The following CDIN1 variants were observed in gnomAD, a reference collection of about 807,000 sequenced individuals.
The protein encoded by CDIN1 is CDAN1-interacting nuclease 1.
CDIN1 carries 33 observed loss-of-function variants against 45.3 expected under a neutral mutation model. The observed-to-expected ratio is 0.73, with a 90% confidence interval of 0.55 to 0.97. The LOEUF (loss-of-function observed/expected upper bound fraction) is 0.97. CDIN1 is among the 50% of genes least tolerant of loss of function. The pLI is 0.00. For missense variants in CDIN1, 303 were observed against 339.4 expected, an observed-to-expected ratio of 0.89 and a Z score of 0.84; for synonymous variants, 118 against 124.4, an observed-to-expected ratio of 0.95 and a Z score of 0.34.
intron 10 of CDIN1, among the ~76,000 whole-genome samples, chr15:36,768,294 C>T (rs2053978200): frequency 1.3e-5 from 2 of 152,204 alleles, no homozygotes; most frequent in African/African-American, 2.4e-5. Flanking sequence ...TCCTAGGATC[C>T]GTTTAGCTAC....
At chr15:36,584,549 T>C (rs892688004) in intron 1 of CDIN1, among the ~76,000 whole-genome samples, 6 of 152,236 alleles carry the variant, frequency 3.9e-5, no homozygotes, top group African/African-American at 1.4e-4. Context: ...TTATGAATTT[T>C]TATTTTACAG....
chr15:36,678,819 G>A lies in CDIN1; in HGVS notation c.347-12866G>A, dbSNP rs147836970. Among the ~76,000 whole-genome samples the A allele has an allele frequency of 4.2e-4, 64 of 152,276 alleles. 1 individual carries two copies. Among genetic ancestry groups the A allele is most frequent in the Middle Eastern group, 6.8e-3 (2 of 292 alleles). ...ATTCTTTGCAGTAGGCAGGACTTTC[G>A]GGATCTTGAGAGCGCAGATGTTTCA... On this transcript the variant is annotated intron_variant, in intron 5 of 10. Transcript: ENST00000566621.
chr15:36,788,205 C>T (rs2054556470), intron 10 of CDIN1, among the ~76,000 whole-genome samples: 1 of 147,202 alleles, frequency 6.8e-6, no homozygotes, highest in Non-Finnish European at 1.5e-5. Flanking sequence ...CAACCTCTGC[C>T]TCCTGGGTTC....
At chr15:36,692,078 GT>G in intron 6 of CDIN1, 47 bp from the exon 7 acceptor site, 2 of 1,579,552 alleles carry the variant, frequency 1.3e-6, no homozygotes. Flanking sequence ...TACTGTAATA[GT>G]TTTTGTAGCC....
chr15:36,751,179 C>G (rs1198764490), intron 10 of CDIN1, among the ~76,000 whole-genome samples: 4 of 136,924 alleles, frequency 2.9e-5, no homozygotes, highest in Non-Finnish European at 4.6e-5. Flanking sequence ...TTGCTTTTAC[C>G]AAGAACTTCA....
At chr15:36,770,107 CCTTT>C (rs1365595690) in intron 10 of CDIN1, among the ~76,000 whole-genome samples, 1 of 145,786 alleles carries the variant, frequency 6.9e-6, no homozygotes, top group Non-Finnish European at 1.5e-5. Flanking sequence ...CTCCTTTCTC[CCTTT>C]CTCTCTCTCT....
At chr15:36,690,467 A>AG (rs2042207246) in intron 5 of CDIN1, among the ~76,000 whole-genome samples, 1 of 151,618 alleles carries the variant, frequency 6.6e-6, no homozygotes, top group Non-Finnish European at 1.5e-5. Context: ...ACGGGGTTTC[A>AG]CCTTGTTAGC....
At chr15:36,691,512 G>C (rs2042249919) in intron 5 of CDIN1, among the ~76,000 whole-genome samples, 173 bp from the exon 6 acceptor site, 1 of 151,676 alleles carries the variant, frequency 6.6e-6, no homozygotes, top group African/African-American at 2.4e-5. Flanking sequence ...TATAAACTTG[G>C]CAAAATGGTC....
chr15:36,737,347 G>T (rs946067106), intron 10 of CDIN1, among the ~76,000 whole-genome samples: 1 of 152,070 alleles, frequency 6.6e-6, no homozygotes, highest in African/African-American at 2.4e-5. Flanking sequence ...TATTGCATTT[G>T]AGGCTAAAGT....
chr15:36,609,837 A>T (rs1489575556), intron 1 of CDIN1, among the ~76,000 whole-genome samples: 1 of 152,130 alleles, frequency 6.6e-6, no homozygotes, highest in Non-Finnish European at 1.5e-5. Flanking sequence ...TTCACACAGG[A>T]TGTGTTAAGC....
intron 10 of CDIN1, among the ~76,000 whole-genome samples, chr15:36,716,948 A>G (rs1242249287): frequency 1.3e-5 from 2 of 151,958 alleles, no homozygotes; most frequent in Admixed American, 1.3e-4. Flanking sequence ...CTCTTTGTGA[A>G]CTCCACACCT....
Position 36,801,665 on chromosome 15 carries a change from GC to G in CDIN1, c.717-6655del, listed in dbSNP as rs531355324. 1.9e-3 allele frequency among the ~76,000 whole-genome samples: 290 copies of G among 152,216 alleles called. 1 individual carries two copies. The highest frequency in any genetic ancestry group is 6.4e-3 in the African/African-American group (267 of 41,546). On this transcript the variant is annotated intron_variant, in intron 10 of 10. Coordinates refer to ENST00000566621, the MANE Select transcript of CDIN1 (RefSeq NM_001321759.2). ...TCCTCTTCCCTCATGTTTAGATTCT[GC>G]CCCATAACTTCTGAACCCCTTCACA...
chr15:36,770,725 A>C (rs1484335324), intron 10 of CDIN1, among the ~76,000 whole-genome samples: 1 of 152,200 alleles, frequency 6.6e-6, no homozygotes, highest in Non-Finnish European at 1.5e-5. Context: ...CTGGGATTAC[A>C]GGCGTGAGCC....
intron 8 of CDIN1, chr15:36,704,206 G>A (rs1365276701): frequency 6.6e-6 from 1 of 151,790 alleles, no homozygotes; most frequent in African/African-American, 2.4e-5. Flanking sequence ...TTTCTATAAG[G>A]CACTTCAATT....
At chr15:36,618,610 G>C (rs1047235711) in intron 1 of CDIN1, 5 of 823,292 alleles carry the variant, frequency 6.1e-6, no homozygotes, top group South Asian at 1.3e-5. Flanking sequence ...TGTTGTTAAA[G>C]GTGTCTACAA....
intron 8 of CDIN1, among the ~76,000 whole-genome samples, chr15:36,703,219 A>AATATATATATATATCAGATATATATATAT (rs2042709762): frequency 1.7e-5 from 1 of 57,364 alleles, no homozygotes; most frequent in African/African-American, 8.0e-5. Flanking sequence ...CCCTGTCTCA[A>AATATATATATATATCAGATATATATATAT]ATATATATAT....
intron 5 of CDIN1, among the ~76,000 whole-genome samples, chr15:36,675,171 C>T (rs1232450996): frequency 6.6e-6 from 1 of 152,068 alleles, no homozygotes; most frequent in South Asian, 2.1e-4. Context: ...GGTTCATATT[C>T]ATTTTTATTG....
intron 1 of CDIN1, chr15:36,617,737 C>G: frequency 3.8e-6 from 3 of 798,558 alleles, no homozygotes; most frequent in East Asian, 2.5e-5. Flanking sequence ...GAAGTGAAAG[C>G]TTTGTTCAAA....
chr15:36,598,862 A>T (rs566715945), intron 1 of CDIN1, among the ~76,000 whole-genome samples: 1 of 150,902 alleles, frequency 6.6e-6, no homozygotes, highest in African/African-American at 2.4e-5. Flanking sequence ...CATGGTAGTT[A>T]CTTTTACCTG....
Sources: allele counts gnomAD v4.1 joint callset (sites outside exome capture counted in the v4.1 genomes callset), GRCh38; gene constraint gnomAD v4.1.1; transcripts MANE v1.5; gene names NCBI Gene and HGNC (gene_info 2026-07-23, HGNC 2026-07-21).